Variants in B3GALT1 observed in about 807,000 individuals in gnomAD.
B3GALT1 encodes beta-1,3-galactosyltransferase 1.
In B3GALT1, 10 loss-of-function variants were observed where a neutral mutation model predicts 23.2. The observed-to-expected ratio is 0.43, with a 90% confidence interval of 0.27 to 0.73. The LOEUF is 0.73. B3GALT1 is among the 30% of genes least tolerant of loss of function. B3GALT1 has a pLI of 0.21. For missense variants in B3GALT1, 299 were observed against 405.4 expected (o/e 0.74, Z 2.25); for synonymous variants, 156 against 141.5 (o/e 1.10, Z -0.73).
intron 3 of B3GALT1, among the ~76,000 whole-genome samples, chr2:167,806,393 C>T (rs1485763231): frequency 6.6e-6 from 1 of 152,322 alleles, no homozygotes; most frequent in Non-Finnish European, 1.5e-5. Context: ...GAGAGGGCAT[C>T]CCTGCCTTGT....
At chr2:167,720,705 G>A (rs2105255072) in intron 3 of B3GALT1, among the ~76,000 whole-genome samples, 1 of 152,270 alleles carries the variant, frequency 6.6e-6, no homozygotes. Context: ...TTTGGAAATG[G>A]TGCATTGGAG....
At chr2:167,582,763 C>G (rs1240951424) in intron 2 of B3GALT1, among the ~76,000 whole-genome samples, 1 of 152,144 alleles carries the variant, frequency 6.6e-6, no homozygotes, top group African/African-American at 2.4e-5. Flanking sequence ...CATCCCTGGG[C>G]ATTCTACAGC....
chr2:167,462,563 A>C (rs1306116797), intron 1 of B3GALT1, among the ~76,000 whole-genome samples: 2 of 152,172 alleles, frequency 1.3e-5, no homozygotes, highest in Non-Finnish European at 2.9e-5. Context: ...AGCTGTATCC[A>C]TCTTTATCTT....
At chr2:167,390,596 C>T (rs772897402) in intron 1 of B3GALT1, among the ~76,000 whole-genome samples, 1 of 152,210 alleles carries the variant, frequency 6.6e-6, no homozygotes, top group Non-Finnish European at 1.5e-5. Flanking sequence ...CCCTTTCTCT[C>T]CCTATCTTAG....
At chr2:167,634,440 G>T (rs1381344059) in intron 2 of B3GALT1, among the ~76,000 whole-genome samples, 5 of 151,942 alleles carry the variant, frequency 3.3e-5, no homozygotes, top group Non-Finnish European at 7.4e-5. Context: ...CAACAAAATT[G>T]ATAGACCGCT....
chr2:167,800,564 A>G (rs1688623401), intron 3 of B3GALT1, among the ~76,000 whole-genome samples: 1 of 152,244 alleles, frequency 6.6e-6, no homozygotes, highest in Non-Finnish European at 1.5e-5. Context: ...TAAAAGTACT[A>G]TCTGCCTAGT....
intron 3 of B3GALT1, among the ~76,000 whole-genome samples, chr2:167,707,343 T>G (rs867596133): frequency 2.0e-5 from 3 of 152,170 alleles, no homozygotes; most frequent in Non-Finnish European, 4.4e-5. Flanking sequence ...TTGACAGATA[T>G]GCGTTTGCTG....
chr2:167,653,550 T>G (rs1008984386), intron 3 of B3GALT1, among the ~76,000 whole-genome samples: 5 of 152,146 alleles, frequency 3.3e-5, no homozygotes, highest in African/African-American at 1.2e-4. Flanking sequence ...ATCACAGAAT[T>G]ATCAAGGCTT....
intron 1 of B3GALT1, among the ~76,000 whole-genome samples, chr2:167,332,748 T>C (rs1696993369): frequency 6.6e-6 from 1 of 152,196 alleles, no homozygotes; most frequent in Non-Finnish European, 1.5e-5. Flanking sequence ...TTTTGCCACA[T>C]AGACAGCCCC....
chr2:167,797,487 T>C (rs1688562827), intron 3 of B3GALT1, among the ~76,000 whole-genome samples: 1 of 152,216 alleles, frequency 6.6e-6, no homozygotes, highest in Admixed American at 6.5e-5. Context: ...CCTTTGGGTA[T>C]ATACCCAGTA....
At chr2:167,472,286 G>A (rs1352878318) in intron 1 of B3GALT1, among the ~76,000 whole-genome samples, 1 of 152,120 alleles carries the variant, frequency 6.6e-6, no homozygotes, top group Non-Finnish European at 1.5e-5. Flanking sequence ...GTATCAATAT[G>A]TGTGTTTGGA....
chr2:167,545,840 C>A (rs1400709398), intron 2 of B3GALT1, among the ~76,000 whole-genome samples: 1 of 152,078 alleles, frequency 6.6e-6, no homozygotes, highest in Non-Finnish European at 1.5e-5. Flanking sequence ...TGCTTGGAAC[C>A]CAAAGTGTTT....
intron 3 of B3GALT1, among the ~76,000 whole-genome samples, chr2:167,664,550 G>A (rs909180432): frequency 2.0e-5 from 3 of 150,160 alleles, no homozygotes; most frequent in Non-Finnish European, 2.9e-5. Flanking sequence ...AATTACCTTG[G>A]GCAGTATGAC....
intron 2 of B3GALT1, among the ~76,000 whole-genome samples, chr2:167,559,949 A>T (rs1029112186): frequency 6.6e-6 from 1 of 152,184 alleles, no homozygotes; most frequent in Admixed American, 6.5e-5. Context: ...CAGGAAATAC[A>T]GAGAATGCCA....
intron 2 of B3GALT1, among the ~76,000 whole-genome samples, chr2:167,618,557 A>G (rs1042393500): frequency 6.6e-6 from 1 of 152,052 alleles, no homozygotes; most frequent in Non-Finnish European, 1.5e-5. Context: ...CATTAGTACT[A>G]TCTAATCTAC....
intron 2 of B3GALT1, among the ~76,000 whole-genome samples, chr2:167,527,246 A>G (rs914892771): frequency 6.6e-6 from 1 of 152,090 alleles, no homozygotes; most frequent in Non-Finnish European, 1.5e-5. Context: ...AACCATATCA[A>G]TGATATTTAA....
intron 3 of B3GALT1, among the ~76,000 whole-genome samples, chr2:167,659,397 G>A (rs937745799): frequency 2.0e-5 from 3 of 152,018 alleles, no homozygotes; most frequent in Non-Finnish European, 4.4e-5. Flanking sequence ...CAAGTGACTA[G>A]ATAGATGAAA....
intron 1 of B3GALT1, among the ~76,000 whole-genome samples, chr2:167,437,923 T>G (rs1300304574): frequency 6.6e-6 from 1 of 152,194 alleles, no homozygotes; most frequent in East Asian, 1.9e-4. Flanking sequence ...TAAAGTCTGT[T>G]AAGGTAGACC....
intron 2 of B3GALT1, among the ~76,000 whole-genome samples, chr2:167,518,917 C>T (rs1047662132): frequency 1.3e-5 from 2 of 152,040 alleles, no homozygotes; most frequent in African/African-American, 4.8e-5. Context: ...AGGTTTGATT[C>T]CTGTATAAGG....
Sources: gnomAD v4.1 joint callset for allele counts (sites outside exome capture counted in the v4.1 genomes callset) on GRCh38, gnomAD v4.1.1 for gene constraint, MANE v1.5 for transcripts, NCBI Gene and HGNC (gene_info 2026-07-23, HGNC 2026-07-21) for gene names.